The following PAH variants were observed in gnomAD, a reference collection of about 807,000 sequenced individuals.
PAH encodes phenylalanine hydroxylase.
Under a neutral mutation model 62.0 loss-of-function variants are expected in PAH, and 64 were observed. The ratio of observed to expected loss-of-function variants is 1.03; its 90% CI spans 0.84 to 1.27. PAH has a LOEUF of 1.27. Ranked by LOEUF, PAH falls within the 50% of genes most tolerant of loss-of-function variation. The pLI, the probability that PAH is intolerant of heterozygous loss-of-function variation, is 0.00. For synonymous variants in PAH, 195 were observed against 196.2 expected (o/e 0.99, Z 0.05); for missense variants, 579 against 542.8 (o/e 1.07, Z -0.66).
At chr12:102,945,057 A>G (rs1879439954) in intron 1 of PAH, 1 of 152,240 alleles carries the variant, frequency 6.6e-6, no homozygotes, top group Non-Finnish European at 1.5e-5. Context: ...TAAGGTCCAG[A>G]AGAATTATCT....
intron 3 of PAH, among the ~76,000 whole-genome samples, chr12:102,881,082 C>T (rs979437611): frequency 1.3e-5 from 2 of 150,832 alleles, no homozygotes; most frequent in South Asian, 2.1e-4. Context: ...GTTGTTGTCT[C>T]GGCTCACTGC....
chr12:102,915,570 T>C (rs1165339228), intron 1 of PAH, among the ~76,000 whole-genome samples: 1 of 152,248 alleles, frequency 6.6e-6, no homozygotes, highest in Non-Finnish European at 1.5e-5. Flanking sequence ...CCTAACAGCC[T>C]ATATTTCACC....
chr12:102,839,220 T>C lies in PAH; in HGVS notation c.1316-2A>G, dbSNP rs760830761. The C allele has an allele frequency of 6.2e-7, 1 of 1,613,636 alleles. No homozygotes were observed. Among genetic ancestry groups the C allele is most frequent in the Non-Finnish European group, 8.5e-7 (1 of 1,179,746 alleles). On this transcript the variant is annotated splice_acceptor_variant, in intron 12 of 12. Coordinates refer to ENST00000553106, the MANE Select transcript of PAH (RefSeq NM_000277.3). LOFTEE classifies it high-confidence loss of function. ...CACTGCAAAGGATTCCAATTTCACC[T>C]ACAAAGAAAAACACCATCAAAATGG...
At position 102,837,318 on chromosome 12, in the gene PAH, A is replaced by G. The variant is rs1874403957; in HGVS notation, c.*1857T>C. On this transcript the variant is annotated 3_prime_UTR_variant, in exon 13 of 13. Transcript: ENST00000553106. ...CCTTCAAGCTCATTAAAACATCTTT[A>G]CTGGACTAAAACTCACTCTTCAATA... The G allele has an allele frequency of 6.6e-6, 1 of 152,182 alleles. No individual in the cohort carries two copies. The highest frequency in any genetic ancestry group is 1.5e-5 in the Non-Finnish European group (1 of 68,038). 9.4% of individuals were successfully genotyped at this position (152,182 alleles called of 1,614,324 possible).
rs536022245 is a variant in PAH at position 102,907,481 on chromosome 12, C to A, written c.168+5310G>T. On this transcript the variant is annotated intron_variant, in intron 2 of 12. Transcript: ENST00000553106. ...CCTCATCCATAAAGTGAGAGTACCA[C>A]CTTCACTTAGTTTAATGCGGATTAA... Among the ~76,000 whole-genome samples the A allele has an allele frequency of 9.8e-5, 15 of 152,336 alleles. No homozygotes were observed. In the South Asian group the frequency reaches 3.1e-3, roughly 32 times the overall value.
chr12:102,938,168 C>T (rs765398138), intron 1 of PAH, among the ~76,000 whole-genome samples: 7 of 152,144 alleles, frequency 4.6e-5, no homozygotes, highest in Admixed American at 4.6e-4. Flanking sequence ...AGGACAGCTG[C>T]CCACCAAGGA....
intron 1 of PAH, among the ~76,000 whole-genome samples, chr12:102,913,450 T>A (rs576376532): frequency 1.1e-4 from 17 of 152,316 alleles, no homozygotes; most frequent in African/African-American, 3.4e-4. Context: ...ATTTTCCAGG[T>A]GGACTACTTT....
intron 1 of PAH, among the ~76,000 whole-genome samples, chr12:102,939,335 G>A (rs1168018228): frequency 2.0e-5 from 3 of 152,148 alleles, no homozygotes; most frequent in African/African-American, 7.2e-5. Context: ...CTATGGAAAA[G>A]AGGCCAGACT....
At chr12:102,880,432 C>G (rs1457447156) in intron 3 of PAH, among the ~76,000 whole-genome samples, 1 of 152,112 alleles carries the variant, frequency 6.6e-6, no homozygotes, top group African/African-American at 2.4e-5. Flanking sequence ...GACAAGGGGG[C>G]CTGACTCTTT....
intron 5 of PAH, among the ~76,000 whole-genome samples, chr12:102,859,940 A>C (rs915365708): frequency 2.0e-5 from 3 of 152,238 alleles, no homozygotes; most frequent in Admixed American, 6.5e-5. Flanking sequence ...GCCCTCTCTC[A>C]CTACTCCTAT....
intron 3 of PAH, 47 bp from the exon 4 acceptor site, chr12:102,877,597 T>C (rs1222680272): frequency 7.1e-7 from 1 of 1,401,734 alleles, no homozygotes; most frequent in Non-Finnish European, 1.0e-6. Flanking sequence ...TGGCAGAACA[T>C]GGCCAAAGGC....
chr12:102,852,819 C>T lies in PAH; in HGVS notation c.838G>A (p.Glu280Lys), dbSNP rs62508698. 1.6e-4 allele frequency: 258 copies of T among 1,613,850 alleles called. No homozygotes were observed. The highest frequency in any genetic ancestry group is 2.0e-4 in the Non-Finnish European group (237 of 1,179,950). ...RHGSKPMYTPEPDICHELLGH... is the reference protein window; with the variant it reads ...RHGSKPMYTPKPDICHELLGH... ...TAGCTGGAGGACAGTACTCACGGTT[C>T]GGGGGTATACATGGGCTTGGATCCA... The change falls in exon 7 of 13, where the codon GAA becomes AAA. Residue 280 changes from glutamate (E) to lysine (K), a missense_variant. Transcript: ENST00000553106.
chr12:102,890,985 G>C (rs999052968), intron 3 of PAH, among the ~76,000 whole-genome samples: 1 of 152,188 alleles, frequency 6.6e-6, no homozygotes, highest in Non-Finnish European at 1.5e-5. Flanking sequence ...CGGGGAGGCT[G>C]AGGCAGGAGA....
Position 102,840,535 on chromosome 12 carries a change from C to T in PAH, c.1200-20G>A. ...AAGTTCCTAAGACCAAAACCACAGGCTTGAGTGAAGGGCACCATTTGGAGA... is the reference window on the plus strand; with the variant it reads ...AAGTTCCTAAGACCAAAACCACAGGTTTGAGTGAAGGGCACCATTTGGAGA... On this transcript the variant is annotated intron_variant, in intron 11 of 12. Coordinates refer to ENST00000553106, the MANE Select transcript of PAH (RefSeq NM_000277.3). The T allele has an allele frequency of 6.5e-7, 1 of 1,531,144 alleles. No homozygotes were observed. The highest frequency in any genetic ancestry group is 9.1e-7 in the Non-Finnish European group (1 of 1,104,394). The allele number at this position is 1,531,144 out of a possible 1,614,324, so 94.8% of individuals were successfully genotyped here. A position where few individuals can be genotyped will look rare whatever the true frequency, so the allele number is the denominator to read the frequency against.
chr12:102,958,266 G>A, exon 1 of PAH: 2 of 1,474,898 alleles, frequency 1.4e-6, no homozygotes, highest in Non-Finnish European at 8.9e-7. Flanking sequence ...TGCCAAGATG[G>A]AGAGCGGCGG....
upstream of PAH, among the ~76,000 whole-genome samples, chr12:102,954,227 C>A (rs186630263): frequency 6.6e-6 from 1 of 152,322 alleles, no homozygotes; most frequent in East Asian, 1.9e-4. Context: ...GGGTTACTAT[C>A]TCCATCATCT....
chr12:102,847,782 A>G (rs2136640391), intron 8 of PAH, among the ~76,000 whole-genome samples: 1 of 152,316 alleles, frequency 6.6e-6, no homozygotes, highest in African/African-American at 2.4e-5. Context: ...AGAAGGTCAT[A>G]TTTGAGCACA....
chr12:102,941,518 G>A (rs2136762777), intron 1 of PAH, among the ~76,000 whole-genome samples: 1 of 152,200 alleles, frequency 6.6e-6, no homozygotes, highest in African/African-American at 2.4e-5. Context: ...TGTTACTTCA[G>A]GCAAAACAGA....
rs747810402 is a variant in PAH, at chr12:102,894,927, G to C, written c.169-9C>G. 4 of 1,608,126 alleles carry C rather than the reference G, an allele frequency of 2.5e-6. No individual in the cohort carries two copies. In the East Asian group the frequency reaches 6.7e-5, roughly 27 times the overall value. On this transcript the variant is annotated splice_polypyrimidine_tract_variant and intron_variant, in intron 2 of 12. Transcript: ENST00000553106. ...AGGTTTACATCATTCTCCTAGAAGA[G>C]AGAATGGGGAGGGTGAGGAGACAGT...
Sources: gnomAD v4.1 joint callset for allele counts (sites outside exome capture counted in the v4.1 genomes callset) on GRCh38, gnomAD v4.1.1 for gene constraint, MANE v1.5 for transcripts, NCBI Gene and HGNC (gene_info 2026-07-23, HGNC 2026-07-21) for gene names.